SLC25A13: variants seen among roughly 807,000 people sequenced by gnomAD.
SLC25A13 encodes electrogenic aspartate/glutamate antiporter SLC25A13, mitochondrial.
A neutral mutation model predicts 85.5 loss-of-function variants in SLC25A13; 70 were observed. The observed-to-expected ratio is 0.82, with a 90% CI of 0.68 to 1.00. The LOEUF (loss-of-function observed/expected upper bound fraction) is 1.00. Ranked by LOEUF, SLC25A13 falls within the 50% of genes least tolerant of loss-of-function variation. The pLI is 0.00. For synonymous variants in SLC25A13, 259 were observed against 288.7 expected (o/e 0.90, Z 1.04); for missense variants, 765 against 819.8 (o/e 0.93, Z 0.82).
chr7:96,194,469 G>GAAAAAAAAAAA (rs1794986209), intron 5 of SLC25A13, among the ~76,000 whole-genome samples: 1 of 50,122 alleles, frequency 2.0e-5, no homozygotes, highest in African/African-American at 6.4e-5. Context: ...AAAAAAAAAG[G>GAAAAAAAAAAA]AACACCAACA....
intron 3 of SLC25A13, among the ~76,000 whole-genome samples, chr7:96,243,953 A>T (rs1239692644): frequency 6.6e-6 from 1 of 152,148 alleles, no homozygotes; most frequent in Admixed American, 6.5e-5. Flanking sequence ...GACTCGCCTC[A>T]GAGTTAGAAA....
At chr7:96,135,858 G>GTTTTTTTTT (rs57884645) in intron 14 of SLC25A13, among the ~76,000 whole-genome samples, 1 of 132,980 alleles carries the variant, frequency 7.5e-6, no homozygotes, top group Non-Finnish European at 1.6e-5. Context: ...TCCTGCTTTG[G>GTTTTTTTTT]TTTTTTTTTT....
chr7:96,197,141 A>C (rs76149623), intron 5 of SLC25A13, among the ~76,000 whole-genome samples: 14,930 of 152,254 alleles, frequency 0.098, 954 homozygotes, highest in Non-Finnish European at 0.14. Flanking sequence ...ACTCAACTGC[A>C]TGGGGAACCT....
At chr7:96,317,439 T>C (rs1256861529) in intron 1 of SLC25A13, among the ~76,000 whole-genome samples, 1 of 152,080 alleles carries the variant, frequency 6.6e-6, no homozygotes, top group Non-Finnish European at 1.5e-5. Context: ...CATTTGGAAC[T>C]GAATTTGGTA....
At chr7:96,154,136 T>C (rs1231029107) in intron 13 of SLC25A13, among the ~76,000 whole-genome samples, 1 of 152,184 alleles carries the variant, frequency 6.6e-6, no homozygotes, top group African/African-American at 2.4e-5. Flanking sequence ...TGAAGATGTC[T>C]GAAGACAGGA....
chr7:96,122,927 T>C (rs1791573657), intron 15 of SLC25A13, among the ~76,000 whole-genome samples: 4 of 152,238 alleles, frequency 2.6e-5, no homozygotes, highest in Admixed American at 2.6e-4. Context: ...AAATCTCCTT[T>C]GCTTTTTTTA....
intron 13 of SLC25A13, among the ~76,000 whole-genome samples, chr7:96,157,582 T>C (rs1793333439): frequency 6.6e-6 from 1 of 152,108 alleles, no homozygotes. Context: ...GGCAAGTGGA[T>C]CACTTGAGGT....
In SLC25A13 at chr7:96,174,671, C is replaced by T. The variant is rs189529761; in HGVS notation, c.1178-3147G>A. Among the ~76,000 whole-genome samples the T allele has an allele frequency of 1.5e-3, 230 of 152,292 alleles. 1 individual carries two copies. The highest frequency in any genetic ancestry group is 2.7e-3 in the Non-Finnish European group (185 of 68,022). ...AAAGCACTGTGATTTAAATGATGAACTCTTGTCTCCATAACTATCCTGTGA... is the reference window on the plus strand; with the variant it reads ...AAAGCACTGTGATTTAAATGATGAATTCTTGTCTCCATAACTATCCTGTGA... On this transcript the variant is annotated intron_variant, in intron 11 of 17. Coordinates refer to ENST00000265631, the MANE Select transcript of SLC25A13 (RefSeq NM_014251.3).
chr7:96,211,238 G>A (rs1005091570), intron 4 of SLC25A13, among the ~76,000 whole-genome samples: 1 of 151,910 alleles, frequency 6.6e-6, no homozygotes, highest in Non-Finnish European at 1.5e-5. Flanking sequence ...AACTCTAAAC[G>A]CTATAGTTTT....
chr7:96,307,298 AT>A (rs1799784041), intron 1 of SLC25A13, among the ~76,000 whole-genome samples: 1 of 152,298 alleles, frequency 6.6e-6, no homozygotes, highest in East Asian at 1.9e-4. Flanking sequence ...AATTATTATA[AT>A]TTTTTAAAGT....
chr7:96,264,087 G>A (rs566065206), intron 3 of SLC25A13, among the ~76,000 whole-genome samples: 29 of 152,006 alleles, frequency 1.9e-4, no homozygotes, highest in Non-Finnish European at 3.4e-4. Context: ...TCCCTTGCAC[G>A]CCCCTGCACC....
At chr7:96,183,028 T>C (rs926802318) in intron 11 of SLC25A13, among the ~76,000 whole-genome samples, 4 of 152,190 alleles carry the variant, frequency 2.6e-5, no homozygotes, top group African/African-American at 7.2e-5. Flanking sequence ...AGCCATTTCA[T>C]TTGCAAAGTT....
chr7:96,146,547 A>T lies in SLC25A13; in HGVS notation c.1452+9T>A. 1 of 1,612,018 alleles carries T rather than the reference A, an allele frequency of 6.2e-7. No homozygotes were observed. The highest frequency in any genetic ancestry group is 1.1e-5 in the South Asian group (1 of 90,450). On this transcript the variant is annotated intron_variant, in intron 14 of 17. Transcript: ENST00000265631. ...ATCAAATAAATGACTAAAAAAAAAA[A>T]AAAGTTACCTTGTAGATCCCAAAAA...
At chr7:96,208,223 T>A (rs1286161687) in intron 5 of SLC25A13, among the ~76,000 whole-genome samples, 1 of 152,220 alleles carries the variant, frequency 6.6e-6, no homozygotes, top group African/African-American at 2.4e-5. Context: ...CCCCTCCTGA[T>A]CTAAGTGACC....
chr7:96,318,339 C>T (rs182592647), intron 1 of SLC25A13, among the ~76,000 whole-genome samples: 201 of 152,236 alleles, frequency 1.3e-3, no homozygotes, highest in South Asian at 3.7e-3. Context: ...AGGGCAGAGA[C>T]GAAGAAAAGG....
At chr7:96,178,874 C>G (rs1794321159) in intron 11 of SLC25A13, among the ~76,000 whole-genome samples, 1 of 152,250 alleles carries the variant, frequency 6.6e-6, no homozygotes, top group South Asian at 2.1e-4. Flanking sequence ...CCTTTCAAAG[C>G]CTTCATTACA....
At chr7:96,200,453 T>C (rs1795212876) in intron 5 of SLC25A13, among the ~76,000 whole-genome samples, 1 of 152,162 alleles carries the variant, frequency 6.6e-6, no homozygotes, top group Non-Finnish European at 1.5e-5. Context: ...GATCCACATA[T>C]TTTTTAACAA....
rs547415784 is a variant in SLC25A13, at chr7:96,290,419, A to G, written c.69+6479T>C. Reference sequence around the variant, plus strand: ...CATAAAGACAGGATCAAATTCACACATAACAATATTAACCTTAAATGTAAA... The same window carrying G: ...CATAAAGACAGGATCAAATTCACACGTAACAATATTAACCTTAAATGTAAA... On this transcript the variant is annotated intron_variant, in intron 2 of 17. Transcript: ENST00000265631. 5.3e-5 allele frequency among the ~76,000 whole-genome samples: 8 copies of G among 152,308 alleles called. No individual in the cohort carries two copies. The East Asian group carries it at 1.5e-3, about 29-fold the overall frequency.
At chr7:96,297,162 G>C (rs1452509606) in intron 1 of SLC25A13, among the ~76,000 whole-genome samples, 1 of 152,030 alleles carries the variant, frequency 6.6e-6, no homozygotes, top group African/African-American at 2.4e-5. Context: ...TTTATGCAAG[G>C]AACCAGTAGC....
Sources: allele counts gnomAD v4.1 joint callset (sites outside exome capture counted in the v4.1 genomes callset), GRCh38; gene constraint gnomAD v4.1.1; transcripts MANE v1.5; gene names NCBI Gene and HGNC (gene_info 2026-07-23, HGNC 2026-07-21).